Variants in NUP85 observed in about 807,000 individuals in gnomAD.
The protein encoded by NUP85 is nucleoporin 85.
NUP85 carries 23 observed loss-of-function variants against 92.8 expected under a neutral mutation model. That is an observed-to-expected ratio of 0.25 (90% CI 0.18 to 0.35). The LOEUF (loss-of-function observed/expected upper bound fraction) is 0.35. NUP85 is among the 10% of genes least tolerant of loss of function. The pLI is 1.00. For synonymous variants in NUP85, 314 were observed against 306.9 expected (o/e 1.02, Z -0.24); for missense variants, 759 against 822.8 (o/e 0.92, Z 0.95).
chr17:75,225,395 C>T lies in NUP85; in HGVS notation c.786C>T (p.His262=), dbSNP rs200495546. 5.5e-5 allele frequency: 88 copies of T among 1,614,144 alleles called. No homozygotes were observed. Among genetic ancestry groups the T allele is most frequent in the African/African-American group, 1.5e-4 (11 of 75,054 alleles). Reference sequence around the variant, plus strand: ...TGGAGCTGAAGTGGCAGCACTGGCACGAGGAATGTGAGCGGTACCTCCAGG... The same window carrying T: ...TGGAGCTGAAGTGGCAGCACTGGCATGAGGAATGTGAGCGGTACCTCCAGG... The part of the protein sequence containing the change: ...TELELKWQHW[H]EECERYLQDS... Residue 262 remains histidine, a synonymous_variant, in exon 9 of 19, where the codon CAC becomes CAT. Transcript: ENST00000245544.
chr17:75,211,372 G>C (rs1301672086), intron 3 of NUP85, among the ~76,000 whole-genome samples: 2 of 151,066 alleles, frequency 1.3e-5, no homozygotes, highest in Non-Finnish European at 2.9e-5. Context: ...TCACTTCTAG[G>C]AAAAAAACAT....
chr17:75,212,102 G>A, intron 4 of NUP85, 40 bp downstream of exon 4: 2 of 1,408,834 alleles, frequency 1.4e-6, no homozygotes, highest in Non-Finnish European at 2.0e-6. Flanking sequence ...GTGTGTGTGT[G>A]TGTGTGTGGG....
rs1598287364 is a variant in NUP85 at position 75,218,191 on chromosome 17, C to T, written c.482C>T (p.Pro161Leu). ...ILFIEVAPAG[P>L]LLLHLLDWVR... ...TGAGAGTCTCTCCTCCCAGCTGGCC[C>T]TCTCCTCCTCCATCTCCTTGACTGG... is the stretch of plus-strand genomic sequence containing the variant. The change falls in exon 7 of 19, where the codon CCT (proline) becomes CTT (leucine). Residue 161 changes from proline to leucine, a missense_variant. Transcript: ENST00000245544. 1 of 1,613,894 alleles carries T rather than the reference C, an allele frequency of 6.2e-7. No homozygotes were observed. Among genetic ancestry groups the T allele is most frequent in the Non-Finnish European group, 8.5e-7 (1 of 1,179,872 alleles).
In NUP85 at chr17:75,231,706, G is replaced by A; in HGVS notation, c.1244+68G>A. Reference sequence around the variant, plus strand: ...AGCATGCGGGTGCCATTGGAGCTTGGACTGTTCTCTCCCAGTTGGCTCCTT... The same window carrying A: ...AGCATGCGGGTGCCATTGGAGCTTGAACTGTTCTCTCCCAGTTGGCTCCTT... On this transcript the variant is annotated intron_variant, in intron 13 of 18. Coordinates refer to ENST00000245544, the MANE Select transcript of NUP85 (RefSeq NM_024844.5). This position sits in a 1 kb window ranked among gnomAD's most constrained non-coding sequence, Gnocchi z 4.6. 2 of 1,606,108 alleles carry A rather than the reference G, an allele frequency of 1.2e-6. No homozygotes were observed. Among genetic ancestry groups the A allele is most frequent in the South Asian group, 2.2e-5 (2 of 90,846 alleles).
Position 75,231,700 on chromosome 17 carries a change from A to C in NUP85, c.1244+62A>C. 10 of 1,606,184 alleles carry C rather than the reference A, an allele frequency of 6.2e-6. No individual in the cohort carries two copies. The highest frequency in any genetic ancestry group is 8.5e-7 in the Non-Finnish European group (1 of 1,173,502). On this transcript the variant is annotated intron_variant, in intron 13 of 18. Coordinates refer to ENST00000245544, the MANE Select transcript of NUP85 (RefSeq NM_024844.5). This position sits in a 1 kb window ranked among gnomAD's most constrained non-coding sequence, Gnocchi z 4.6. ...CTCTTCAGCATGCGGGTGCCATTGG[A>C]GCTTGGACTGTTCTCTCCCAGTTGG... is the stretch of plus-strand genomic sequence containing the variant.
intron 2 of NUP85, among the ~76,000 whole-genome samples, chr17:75,209,601 G>A (rs775929202): frequency 4.6e-5 from 7 of 151,952 alleles, no homozygotes; most frequent in Non-Finnish European, 1.0e-4. Flanking sequence ...GTGCCACCAC[G>A]CCCAGCTAAT....
intron 15 of NUP85, 33 bp downstream of exon 15, chr17:75,233,001 T>C (rs2076136303): frequency 6.2e-7 from 1 of 1,613,278 alleles, no homozygotes; most frequent in Admixed American, 1.7e-5. Flanking sequence ...TCCCAGGGAC[T>C]GGGTGGTTGA....
chr17:75,232,878 T>C lies in NUP85; in HGVS notation c.1424T>C (p.Met475Thr), dbSNP rs753034446. 2 of 1,614,216 alleles carry C rather than the reference T, an allele frequency of 1.2e-6. No individual in the cohort carries two copies. Among genetic ancestry groups the C allele is most frequent in the Admixed American group, 1.7e-5 (1 of 60,030 alleles). ...CGCAGCATTTGTAAGATCTTAGCCA[T>C]GAAAGCCGTCCGCAACAATCGCCTG... ...QVRSICKILA[M>T]KAVRNNRLGS... Residue 475 changes from methionine (M) to threonine (T), a missense_variant, in exon 15 of 19, where the codon ATG (methionine) becomes ACG (threonine). Met to Thr is a moderately conservative substitution (Grantham distance 81, BLOSUM62 -1). Coordinates refer to ENST00000245544, the MANE Select transcript of NUP85 (RefSeq NM_024844.5).
chr17:75,218,731 C>A (rs2075510429), intron 7 of NUP85, among the ~76,000 whole-genome samples: 1 of 150,326 alleles, frequency 6.7e-6, no homozygotes, highest in South Asian at 2.1e-4. Flanking sequence ...AAAGTGAGAC[C>A]CTCCATCTCA....
intron 6 of NUP85, among the ~76,000 whole-genome samples, chr17:75,217,943 T>C (rs774472369): frequency 6.6e-6 from 1 of 152,192 alleles, no homozygotes; most frequent in Non-Finnish European, 1.5e-5. Context: ...CTGCATTCCA[T>C]GTTCACCCCT....
In NUP85 at chr17:75,232,893, A is replaced by C. The variant is rs368637573; in HGVS notation, c.1439A>C (p.Asn480Thr). 1.4e-5 allele frequency: 22 copies of C among 1,614,242 alleles called. No homozygotes were observed. Among genetic ancestry groups the C allele is most frequent in the South Asian group, 1.1e-4 (10 of 91,082 alleles). The change falls in exon 15 of 19, where the codon AAC becomes ACC. Residue 480 changes from asparagine (N) to threonine (T), a missense_variant. Transcript: ENST00000245544. ...ATCTTAGCCATGAAAGCCGTCCGCA[A>C]CAATCGCCTGGGTTCTGCCCTCTCT... Reference protein sequence around the residue: ...CKILAMKAVRNNRLGSALSWS... With the variant: ...CKILAMKAVRTNRLGSALSWS...
rs747134432 is a variant in NUP85 at position 75,205,719 on chromosome 17, C to T, written c.-43C>T. 6.2e-7 allele frequency: 1 copy of T among 1,613,432 alleles called. No individual in the cohort carries two copies. Among genetic ancestry groups the T allele is most frequent in the Non-Finnish European group, 8.5e-7 (1 of 1,179,396 alleles). ...CTGAGCGGGAGGCCTGAGCGGGAAG[C>T]ATTGGCGTCCGAGCGACTTCTAGGA... On this transcript the variant is annotated 5_prime_UTR_variant, in exon 1 of 19. Coordinates refer to ENST00000245544, the MANE Select transcript of NUP85 (RefSeq NM_024844.5).
chr17:75,232,024 G>A (rs749862471), intron 14 of NUP85, 45 bp downstream of exon 14: 4 of 1,605,636 alleles, frequency 2.5e-6, no homozygotes, highest in Non-Finnish European at 3.4e-6. Flanking sequence ...GGACGCAGGA[G>A]TCAGGGGATC....
chr17:75,232,597 C>T (rs1442628925), intron 14 of NUP85, among the ~76,000 whole-genome samples: 1 of 152,102 alleles, frequency 6.6e-6, no homozygotes, highest in African/African-American at 2.4e-5. Context: ...ATGTAGGGAG[C>T]AACGTTTTGC....
chr17:75,232,068 C>T, intron 14 of NUP85, 89 bp downstream of exon 14: 1 of 1,404,134 alleles, frequency 7.1e-7, no homozygotes. Flanking sequence ...CCCAGCCATC[C>T]TCCTCCTCAC....
At chr17:75,235,069 G>T (rs2076279531) in intron 17 of NUP85, 31 bp from the exon 18 acceptor site, 2 of 1,556,272 alleles carry the variant, frequency 1.3e-6, no homozygotes. Context: ...AGGGCTGGGG[G>T]CAGCCAAGCA....
intron 11 of NUP85, among the ~76,000 whole-genome samples, chr17:75,230,044 A>ATTT (rs3082648): frequency 0.052 from 7,351 of 140,354 alleles, 336 homozygotes; most frequent in South Asian, 0.16. Flanking sequence ...GGTGTACAAA[A>ATTT]TTTTTTTTTT....
intron 7 of NUP85, among the ~76,000 whole-genome samples, chr17:75,220,900 T>TC (rs2075578125): frequency 2.1e-5 from 3 of 143,384 alleles, no homozygotes; most frequent in African/African-American, 7.8e-5. Context: ...TTTTTTTTTT[T>TC]AGCTGGAGTC....
rs374936726 is a variant in NUP85 at position 75,217,378 on chromosome 17, T to TTA, written c.476-806_476-805insAT. ...CCTGGCTCGGCTAATTTTTTATTTTTTTTTGTAGAGATGGGGTCTCCCTAT... is the reference window on the plus strand; with the variant it reads ...CCTGGCTCGGCTAATTTTTTATTTTTTATTTTGTAGAGATGGGGTCTCCCTAT... On this transcript the variant is annotated intron_variant, in intron 6 of 18. Transcript: ENST00000245544. 5.1e-4 allele frequency among the ~76,000 whole-genome samples: 72 copies of TTA among 141,066 alleles called. 1 individual carries two copies. In the South Asian group the frequency reaches 0.015, roughly 29 times the overall value. The allele number at this position is 141,066 out of a possible 152,430, so 92.5% of individuals were successfully genotyped here.
Sources: gnomAD v4.1 joint callset for allele counts (sites outside exome capture counted in the v4.1 genomes callset) on GRCh38, gnomAD v4.1.1 for gene constraint, Gnocchi (gnomAD v3.1) non-coding constraint, MANE v1.5 for transcripts, NCBI Gene and HGNC (gene_info 2026-07-23, HGNC 2026-07-21) for gene names.